TAFA2: variants seen among roughly 807,000 people sequenced by gnomAD.
TAFA2 encodes TAFA chemokine like family member 2.
Under a neutral mutation model 18.8 loss-of-function variants are expected in TAFA2, and 7 were observed. The ratio of observed to expected loss-of-function variants is 0.37; its 90% CI spans 0.21 to 0.70. The LOEUF is 0.70. Among genes scored for constraint, TAFA2 ranks in the 30% least tolerant of loss-of-function variants. The pLI is 0.53. For missense variants in TAFA2, 122 were observed against 158.1 expected (o/e 0.77, Z 1.23); for synonymous variants, 60 against 54.2 (o/e 1.11, Z -0.47).
chr12:61,928,092 T>C (rs1565684682), intron 1 of TAFA2, among the ~76,000 whole-genome samples: 2 of 152,202 alleles, frequency 1.3e-5, no homozygotes, highest in African/African-American at 4.8e-5. Flanking sequence ...ATTCACGACA[T>C]AGGCATGGCC....
chr12:62,220,754 A>T (rs958907733), intron 1 of TAFA2, among the ~76,000 whole-genome samples: 1 of 144,990 alleles, frequency 6.9e-6, no homozygotes, highest in African/African-American at 2.6e-5. Context: ...TAAAACTGCT[A>T]AAAAAAAATA....
At chr12:62,006,909 AC>A in intron 1 of TAFA2, among the ~76,000 whole-genome samples, 1 of 152,318 alleles carries the variant, frequency 6.6e-6, no homozygotes, top group East Asian at 1.9e-4. Context: ...TCTGCAAGTT[AC>A]TTAAACTAAC....
chr12:61,888,771 A>G (rs1875501079), intron 1 of TAFA2, among the ~76,000 whole-genome samples: 1 of 152,248 alleles, frequency 6.6e-6, no homozygotes. Flanking sequence ...AGAGAATTTC[A>G]GAGTGGACTG....
At chr12:62,124,478 C>T (rs150679629) in intron 1 of TAFA2, among the ~76,000 whole-genome samples, 1 of 151,618 alleles carries the variant, frequency 6.6e-6, no homozygotes, top group Non-Finnish European at 1.5e-5. Flanking sequence ...CTAAGGATAA[C>T]AGAAATGTAA....
chr12:61,906,969 T>G (rs1876384047), intron 1 of TAFA2, among the ~76,000 whole-genome samples: 1 of 152,136 alleles, frequency 6.6e-6, no homozygotes, highest in East Asian at 1.9e-4. Flanking sequence ...CTGACTTGAG[T>G]GCCATTAAAA....
chr12:62,237,001 G>C (rs1230690464), intron 1 of TAFA2, among the ~76,000 whole-genome samples: 8 of 152,104 alleles, frequency 5.3e-5, no homozygotes, highest in African/African-American at 1.7e-4. Context: ...TCTAGGTTTG[G>C]AAAGTTTTTG....
chr12:61,916,829 C>G (rs1251886282), intron 1 of TAFA2, among the ~76,000 whole-genome samples: 1 of 152,228 alleles, frequency 6.6e-6, no homozygotes, highest in Non-Finnish European at 1.5e-5. Flanking sequence ...CTAACATGCT[C>G]TCCATTTTTT....
intron 1 of TAFA2, among the ~76,000 whole-genome samples, chr12:61,912,581 A>G (rs1196121147): frequency 1.3e-5 from 2 of 152,226 alleles, no homozygotes; most frequent in South Asian, 2.1e-4. Flanking sequence ...TAGAAAAACA[A>G]TATTCATGAG....
chr12:61,780,228 G>A (rs1870447287), intron 2 of TAFA2, among the ~76,000 whole-genome samples: 1 of 151,748 alleles, frequency 6.6e-6, no homozygotes, highest in Non-Finnish European at 1.5e-5. Flanking sequence ...GCTATGACAG[G>A]ACACATATCA....
intron 1 of TAFA2, among the ~76,000 whole-genome samples, chr12:61,909,563 C>T (rs1054366675): frequency 6.6e-6 from 1 of 152,050 alleles, no homozygotes; most frequent in Non-Finnish European, 1.5e-5. Context: ...AAGACTGAGT[C>T]GTGAGATGTG....
intron 2 of TAFA2, among the ~76,000 whole-genome samples, chr12:61,841,674 G>C (rs550514960): frequency 1.3e-5 from 2 of 151,806 alleles, no homozygotes; most frequent in Non-Finnish European, 2.9e-5. Context: ...TAAATTTCTG[G>C]GAAGAATGTC....
intron 2 of TAFA2, among the ~76,000 whole-genome samples, chr12:61,845,276 T>C (rs1592429503): frequency 6.6e-6 from 1 of 152,108 alleles, no homozygotes; most frequent in South Asian, 2.1e-4. Context: ...AAGAAGACTA[T>C]TGAACTTTAA....
At chr12:61,844,470 T>A (rs550703080) in intron 2 of TAFA2, among the ~76,000 whole-genome samples, 1 of 152,238 alleles carries the variant, frequency 6.6e-6, no homozygotes, top group South Asian at 2.1e-4. Flanking sequence ...TATTTTCAAA[T>A]GATTATTAAT....
At chr12:61,766,782 T>A (rs1297108482) in intron 2 of TAFA2, among the ~76,000 whole-genome samples, 3 of 151,816 alleles carry the variant, frequency 2.0e-5, no homozygotes, top group Non-Finnish European at 2.9e-5. Context: ...AAATTTAACA[T>A]TTTTTTTCCA....
At chr12:61,844,044 G>A (rs930746376) in intron 2 of TAFA2, among the ~76,000 whole-genome samples, 3 of 152,120 alleles carry the variant, frequency 2.0e-5, no homozygotes, top group African/African-American at 7.2e-5. Context: ...AATAATTTAT[G>A]TACAAACCTA....
chr12:61,715,935 A>T (rs1237688218), intron 4 of TAFA2, among the ~76,000 whole-genome samples: 1 of 152,070 alleles, frequency 6.6e-6, no homozygotes, highest in Non-Finnish European at 1.5e-5. Flanking sequence ...TTGTAAAAAT[A>T]AAAATTAAGA....
chr12:61,785,468 T>C (rs1228999057), intron 2 of TAFA2, among the ~76,000 whole-genome samples: 1 of 151,392 alleles, frequency 6.6e-6, no homozygotes, highest in Admixed American at 6.6e-5. Flanking sequence ...TCATAAGGAA[T>C]CACAGTAATT....
At chr12:62,118,199 G>A (rs1870042433) in intron 1 of TAFA2, among the ~76,000 whole-genome samples, 1 of 151,858 alleles carries the variant, frequency 6.6e-6, no homozygotes, top group Non-Finnish European at 1.5e-5. Context: ...TGTATCTAAA[G>A]GGATATTTTA....
At chr12:61,748,032 ACAGT>A (rs1319232586) in intron 4 of TAFA2, among the ~76,000 whole-genome samples, 1 of 152,042 alleles carries the variant, frequency 6.6e-6, no homozygotes, top group Non-Finnish European at 1.5e-5. Flanking sequence ...GACATAGGAA[ACAGT>A]CAAATACCAC....
Sources: allele counts gnomAD v4.1 joint callset (sites outside exome capture counted in the v4.1 genomes callset), GRCh38; gene constraint gnomAD v4.1.1; transcripts MANE v1.5; gene names NCBI Gene and HGNC (gene_info 2026-07-23, HGNC 2026-07-21).